Variants in DLGAP1 observed in about 807,000 individuals in gnomAD.
The protein encoded by DLGAP1 is disks large-associated protein 1.
Under a neutral mutation model 90.8 loss-of-function variants are expected in DLGAP1, and 11 were observed. The observed-to-expected ratio is 0.12, with a 90% CI of 0.08 to 0.20. The LOEUF is 0.20. Among genes scored for constraint, DLGAP1 ranks in the 10% least tolerant of loss-of-function variants. The probability of loss-of-function intolerance (pLI) is 1.00; values close to 1 mark genes in which losing one functional copy is unlikely to be tolerated. For synonymous variants in DLGAP1, 558 were observed against 540.7 expected, an observed-to-expected ratio of 1.03 and a Z score of -0.44; for missense variants, 1,050 against 1,333.8, an observed-to-expected ratio of 0.79 and a Z score of 3.31.
At chr18:4,181,880 G>A (rs1322385809) in intron 1 of DLGAP1, among the ~76,000 whole-genome samples, 1 of 152,050 alleles carries the variant, frequency 6.6e-6, no homozygotes, top group Non-Finnish European at 1.5e-5. Flanking sequence ...ATAAATATGG[G>A]AGCTGTTTTC....
intron 1 of DLGAP1, among the ~76,000 whole-genome samples, chr18:4,372,160 G>A (rs1206462502): frequency 6.6e-6 from 1 of 152,220 alleles, no homozygotes; most frequent in East Asian, 1.9e-4. Context: ...TATGGTTTAT[G>A]TCTTGAGAAA....
At chr18:4,361,143 G>A (rs900289177) in intron 1 of DLGAP1, among the ~76,000 whole-genome samples, 3 of 152,046 alleles carry the variant, frequency 2.0e-5, no homozygotes, top group Non-Finnish European at 4.4e-5. Flanking sequence ...GCTTCAGGGA[G>A]TGTCTAAGAA....
intron 2 of DLGAP1, among the ~76,000 whole-genome samples, chr18:4,090,786 T>G (rs1258033383): frequency 6.6e-6 from 1 of 152,170 alleles, no homozygotes; most frequent in East Asian, 1.9e-4. Flanking sequence ...TAAAGACACA[T>G]GCACATGTAT....
At position 4,299,700 on chromosome 18, in the gene DLGAP1, C is replaced by CA. The variant is rs202049582; in HGVS notation, c.-266-148414dup. Reference sequence around the variant, plus strand: ...CAAGATTTTGTTTAAAAAACACACACAAAAAAAACAAACAAAATACCAGAA... The same window carrying CA: ...CAAGATTTTGTTTAAAAAACACACACAAAAAAAAACAAACAAAATACCAGAA... On this transcript the variant is annotated intron_variant, in intron 1 of 12. Transcript: ENST00000315677. Among the ~76,000 whole-genome samples, 329 of 151,412 alleles carry CA rather than the reference C, an allele frequency of 2.2e-3. 2 individuals are homozygous for CA. Among genetic ancestry groups the CA allele is most frequent in the Admixed American group, 5.2e-3 (80 of 15,240 alleles).
At chr18:4,244,144 A>G (rs1435787844) in intron 1 of DLGAP1, among the ~76,000 whole-genome samples, 4 of 152,174 alleles carry the variant, frequency 2.6e-5, no homozygotes, top group Non-Finnish European at 4.4e-5. Context: ...TTCTATCAAG[A>G]TAATAATTTG....
At chr18:3,591,224 T>C (rs113671176) in intron 7 of DLGAP1, among the ~76,000 whole-genome samples, 2,483 of 152,088 alleles carry the variant, frequency 0.016, 18 homozygotes, top group Non-Finnish European at 0.026. Context: ...CAGGCTATTT[T>C]AGAAAACAAA....
intron 3 of DLGAP1, among the ~76,000 whole-genome samples, chr18:3,898,061 T>G (rs1323414900): frequency 6.6e-6 from 1 of 152,234 alleles, no homozygotes; most frequent in Non-Finnish European, 1.5e-5. Flanking sequence ...CCCAAAGTGC[T>G]GGGATTACAG....
At chr18:3,674,296 A>ATATATATATATATATATATATATATATAT (rs1555623972) in intron 7 of DLGAP1, among the ~76,000 whole-genome samples, 64 of 128,936 alleles carry the variant, frequency 5.0e-4, no homozygotes, top group African/African-American at 1.6e-3. Context: ...ATAATATTAA[A>ATATATATATATATATATATATATATATAT]ATATATATAT....
chr18:3,975,975 G>C (rs923891847), intron 3 of DLGAP1, among the ~76,000 whole-genome samples: 2 of 152,062 alleles, frequency 1.3e-5, no homozygotes, highest in Non-Finnish European at 1.5e-5. Flanking sequence ...TTGGGAAGAC[G>C]AACAGGTTCT....
chr18:3,930,453 T>C (rs1257055720), intron 3 of DLGAP1, among the ~76,000 whole-genome samples: 2 of 152,200 alleles, frequency 1.3e-5, no homozygotes, highest in African/African-American at 4.8e-5. Context: ...CTACATTAGT[T>C]CATTTTTAGC....
chr18:4,178,256 T>C (rs1004727986), intron 1 of DLGAP1, among the ~76,000 whole-genome samples: 22 of 87,904 alleles, frequency 2.5e-4, no homozygotes, highest in African/African-American at 4.3e-4. Context: ...CACACACACA[T>C]TAGAGATAGG....
intron 8 of DLGAP1, among the ~76,000 whole-genome samples, chr18:3,576,725 CG>C (rs1419004153): frequency 2.0e-5 from 3 of 151,628 alleles, no homozygotes; most frequent in Admixed American, 2.0e-4. Context: ...CCACCATGCC[CG>C]GCTAATTTTT....
At chr18:3,833,199 T>A (rs189739426) in intron 4 of DLGAP1, among the ~76,000 whole-genome samples, 1 of 93,234 alleles carries the variant, frequency 1.1e-5, no homozygotes, top group East Asian at 3.4e-4. Flanking sequence ...CCTTCCTTCC[T>A]TCCTTCCTTC....
intron 3 of DLGAP1, among the ~76,000 whole-genome samples, chr18:3,968,062 C>G (rs182816565): frequency 2.6e-5 from 4 of 152,298 alleles, no homozygotes; most frequent in Admixed American, 2.6e-4. Flanking sequence ...ATTGGAAAAA[C>G]TTCCTGACAC....
At chr18:3,905,338 GC>G (rs2071877284) in intron 3 of DLGAP1, among the ~76,000 whole-genome samples, 1 of 118,976 alleles carries the variant, frequency 8.4e-6, no homozygotes, top group African/African-American at 3.2e-5. Flanking sequence ...CTGCACTCCA[GC>G]CTGGGCAACA....
chr18:4,217,394 C>T (rs1055815102), intron 1 of DLGAP1, among the ~76,000 whole-genome samples: 2 of 151,976 alleles, frequency 1.3e-5, no homozygotes, highest in African/African-American at 4.8e-5. Flanking sequence ...TGGATAAATA[C>T]CAAGGAATAT....
chr18:3,879,712 G>A lies in DLGAP1; in HGVS notation c.357C>T (p.His119=). Residue 119 remains histidine (H), a synonymous_variant, in exon 4 of 13, where the codon CAC becomes CAT. Transcript: ENST00000315677. The surrounding 1 kb of genome is among the most constrained non-coding windows in gnomAD (Gnocchi z 6.6). The stretch of plus-strand genomic sequence containing the variant: ...CGGCCGTGCGCTTGTACTGCAGGGT[G>A]TGATAGCCATCGCGGCTGAGTGGCA... The part of the protein sequence containing the change: ...RQLPLSRDGY[H]TLQYKRTAVE... The A allele has an allele frequency of 6.2e-7, 1 of 1,608,824 alleles. No individual in the cohort carries two copies. The highest frequency in any genetic ancestry group is 1.1e-5 in the South Asian group (1 of 91,074).
At chr18:4,017,921 A>G (rs190546608) in intron 2 of DLGAP1, among the ~76,000 whole-genome samples, 1 of 152,166 alleles carries the variant, frequency 6.6e-6, no homozygotes, top group East Asian at 1.9e-4. Flanking sequence ...CGGTTGGACC[A>G]GTTAATGATT....
At chr18:3,807,880 T>C (rs1242937251) in intron 5 of DLGAP1, among the ~76,000 whole-genome samples, 3 of 152,206 alleles carry the variant, frequency 2.0e-5, no homozygotes, top group African/African-American at 7.2e-5. Flanking sequence ...TCATGATCAT[T>C]GTAGAGACTT....
Sources: allele counts gnomAD v4.1 joint callset (sites outside exome capture counted in the v4.1 genomes callset), GRCh38; gene constraint gnomAD v4.1.1; non-coding constraint Gnocchi (gnomAD v3.1); transcripts MANE v1.5; gene names NCBI Gene and HGNC (gene_info 2026-07-23, HGNC 2026-07-21).